Variants in TTC28 observed in about 807,000 individuals in gnomAD.
TTC28 encodes tetratricopeptide repeat protein 28.
A neutral mutation model predicts 198.0 loss-of-function variants in TTC28; 61 were observed. The ratio of observed to expected loss-of-function variants is 0.31; its 90% CI spans 0.25 to 0.38. The LOEUF (loss-of-function observed/expected upper bound fraction) is 0.38, where lower values mean the gene tolerates loss of function less well. Ranked by LOEUF, TTC28 falls within the 10% of genes least tolerant of loss-of-function variation. The pLI is 1.00. For synonymous variants in TTC28, 1,171 were observed against 1,297.8 expected, an observed-to-expected ratio of 0.90 and a Z score of 2.10; for missense variants, 2,678 against 3,164.0, an observed-to-expected ratio of 0.85 and a Z score of 3.69.
At position 28,163,209 on chromosome 22, in the gene TTC28, G is replaced by T; in HGVS notation, c.1324C>A (p.His442Asn). 1.3e-6 allele frequency: 2 copies of T among 1,551,700 alleles called. No individual in the cohort carries two copies. The highest frequency in any genetic ancestry group is 4.9e-5 in the East Asian group (2 of 40,904). ...IEMRAYAGLG[H>N]AARCMQDLER... is the part of the protein sequence containing the mutation. ...AAATCCTGCATGCACCTGGCAGCAT[G>T]GCCTAGTCCAGCATAGGCCCGCATC... The change falls in exon 6 of 23, where the codon CAT (histidine) becomes AAT (asparagine). Residue 442 changes from histidine (H) to asparagine (N), a missense_variant. By Grantham distance (68) the His-to-Asn change is moderately conservative. Transcript: ENST00000397906.
intron 5 of TTC28, among the ~76,000 whole-genome samples, chr22:28,248,007 C>G (rs1569220244): frequency 6.6e-6 from 1 of 152,208 alleles, no homozygotes; most frequent in Non-Finnish European, 1.5e-5. Flanking sequence ...GAATTGTTAA[C>G]AAACAATATC....
chr22:28,575,989 A>C (rs1267173970), intron 2 of TTC28, among the ~76,000 whole-genome samples: 3 of 151,992 alleles, frequency 2.0e-5, no homozygotes, highest in African/African-American at 4.8e-5. Context: ...GATGCTTTTT[A>C]TTTCTTTCTC....
chr22:28,618,788 G>A (rs1385811351), intron 2 of TTC28, among the ~76,000 whole-genome samples: 5 of 151,486 alleles, frequency 3.3e-5, no homozygotes, highest in Non-Finnish European at 7.4e-5. Context: ...ACCATTACCA[G>A]AGAAGACAGC....
intron 5 of TTC28, among the ~76,000 whole-genome samples, chr22:28,234,851 A>G (rs1929112760): frequency 6.6e-6 from 1 of 152,200 alleles, no homozygotes; most frequent in Admixed American, 6.5e-5. Flanking sequence ...TAGAATTGTG[A>G]TGCTAAATTG....
intron 6 of TTC28, among the ~76,000 whole-genome samples, chr22:28,121,931 G>C (rs1030670455): frequency 2.5e-4 from 38 of 152,242 alleles, no homozygotes; most frequent in African/African-American, 8.7e-4. Context: ...ACAGTGGCAC[G>C]ATCTTGGCTC....
At chr22:28,468,504 G>C (rs562161711) in intron 2 of TTC28, among the ~76,000 whole-genome samples, 1 of 151,340 alleles carries the variant, frequency 6.6e-6, no homozygotes, top group African/African-American at 2.4e-5. Context: ...ATACTTAAAA[G>C]AGTTCATCTC....
intron 2 of TTC28, among the ~76,000 whole-genome samples, chr22:28,435,040 T>C (rs2047497039): frequency 6.6e-6 from 1 of 152,224 alleles, no homozygotes; most frequent in African/African-American, 2.4e-5. Flanking sequence ...TTTCATTCTT[T>C]AATAGTTCAA....
intron 2 of TTC28, among the ~76,000 whole-genome samples, chr22:28,599,541 C>A (rs1291496221): frequency 6.6e-6 from 1 of 152,170 alleles, no homozygotes; most frequent in Non-Finnish European, 1.5e-5. Context: ...GTAATCCCAG[C>A]ACTTTGGAAG....
At chr22:28,672,547 G>A (rs181908653) in intron 1 of TTC28, among the ~76,000 whole-genome samples, 90 of 151,892 alleles carry the variant, frequency 5.9e-4, no homozygotes, top group Non-Finnish European at 1.0e-3. Context: ...TGATCCACCC[G>A]TCTCGGCCTC....
At chr22:28,366,474 A>C (rs979874802) in intron 2 of TTC28, among the ~76,000 whole-genome samples, 1 of 152,188 alleles carries the variant, frequency 6.6e-6, no homozygotes, top group African/African-American at 2.4e-5. Flanking sequence ...TTAGGAAAAA[A>C]AAGATATGCA....
At chr22:28,007,809 G>T (rs1316503614) in intron 14 of TTC28, 1 of 152,198 alleles carries the variant, frequency 6.6e-6, no homozygotes, top group African/African-American at 2.4e-5. Context: ...CACTTACCAC[G>T]TGAGATCTTG....
intron 12 of TTC28, among the ~76,000 whole-genome samples, chr22:28,077,660 C>A (rs1453553136): frequency 2.6e-5 from 4 of 152,062 alleles, no homozygotes; most frequent in Non-Finnish European, 5.9e-5. Context: ...TCTAAATTAA[C>A]CAGTATTTTG....
Position 28,601,777 on chromosome 22 carries a change from G to GACACACACACACACAC in TTC28, c.381+27759_381+27774dup, listed in dbSNP as rs34208241. On this transcript the variant is annotated intron_variant, in intron 2 of 22. Transcript: ENST00000397906. ...AAGATTCACAGCAGAGTAAACCCTA[G>GACACACACACACACAC]ACACACACACACACACACACACACA... Among the ~76,000 whole-genome samples, 405 of 141,544 alleles carry GACACACACACACACAC rather than the reference G, an allele frequency of 2.9e-3. 1 individual carries two copies. The highest frequency in any genetic ancestry group is 3.0e-3 in the Admixed American group (42 of 13,964). 92.9% of individuals were successfully genotyped at this position (141,544 alleles called of 152,430 possible). A position where few individuals can be genotyped will look rare whatever the true frequency, so the allele number is the denominator to read the frequency against.
intron 2 of TTC28, among the ~76,000 whole-genome samples, chr22:28,340,119 G>C (rs1025617960): frequency 2.0e-5 from 3 of 152,110 alleles, no homozygotes; most frequent in Non-Finnish European, 2.9e-5. Flanking sequence ...GATCACACTA[G>C]ACAGGGAATA....
chr22:28,516,307 G>C (rs1028048067), intron 2 of TTC28, among the ~76,000 whole-genome samples: 1 of 152,110 alleles, frequency 6.6e-6, no homozygotes, highest in African/African-American at 2.4e-5. Context: ...TAAGAATTAA[G>C]TATTTCAAAA....
chr22:28,118,934 T>G (rs12166912), intron 6 of TTC28, among the ~76,000 whole-genome samples: 10,918 of 152,266 alleles, frequency 0.072, 455 homozygotes, highest in South Asian at 0.094. Context: ...TTATAAACAA[T>G]CAAGCAATCA....
chr22:28,234,305 G>A (rs557202789), intron 5 of TTC28, among the ~76,000 whole-genome samples: 176 of 152,174 alleles, frequency 1.2e-3, no homozygotes, highest in Non-Finnish European at 2.2e-3. Flanking sequence ...GCCTCCCAAA[G>A]TGCTAGGATT....
intron 6 of TTC28, among the ~76,000 whole-genome samples, chr22:28,136,830 C>G (rs1943210416): frequency 6.6e-6 from 1 of 152,178 alleles, no homozygotes; most frequent in Non-Finnish European, 1.5e-5. Context: ...GACTGGAGAA[C>G]TGCACACATG....
chr22:27,983,063 T>C lies in TTC28; in HGVS notation c.6604A>G (p.Ser2202Gly), dbSNP rs1344362180. ...TCTGACGCTCTGAAGACAGCAGTGC[T>C]GCTGGGCGCCTGAACGCCGTCTTCA... Reference protein sequence around the residue: ...NPEDGVQAPSSTAVFRASETS... With the variant: ...NPEDGVQAPSGTAVFRASETS... Residue 2202 changes from serine (S) to glycine (G), a missense_variant, in exon 23 of 23, where the codon AGC becomes GGC. Ser to Gly is a moderately conservative substitution (Grantham distance 56). Coordinates refer to ENST00000397906, the MANE Select transcript of TTC28 (RefSeq NM_001145418.2). 6.4e-7 allele frequency: 1 copy of C among 1,551,638 alleles called. No individual in the cohort carries two copies.
Sources: gnomAD v4.1 joint callset for allele counts (sites outside exome capture counted in the v4.1 genomes callset) on GRCh38, gnomAD v4.1.1 for gene constraint, MANE v1.5 for transcripts, NCBI Gene and HGNC (gene_info 2026-07-23, HGNC 2026-07-21) for gene names.